Variants in STXBP5L observed in about 807,000 individuals in gnomAD.
The protein encoded by STXBP5L is syntaxin-binding protein 5-like.
Under a neutral mutation model 144.5 loss-of-function variants are expected in STXBP5L, and 65 were observed. The ratio of observed to expected loss-of-function variants is 0.45; its 90% CI spans 0.37 to 0.55. The LOEUF is 0.55. STXBP5L is among the 20% of genes least tolerant of loss of function. The probability of loss-of-function intolerance (pLI) is 0.00; values close to 1 mark genes in which losing one functional copy is unlikely to be tolerated. For synonymous variants in STXBP5L, 505 were observed against 469.6 expected (o/e 1.08, Z -0.97); for missense variants, 1,298 against 1,405.5 (o/e 0.92, Z 1.22).
chr3:121,211,996 G>C (rs962867677), intron 10 of STXBP5L, among the ~76,000 whole-genome samples: 2 of 151,888 alleles, frequency 1.3e-5, no homozygotes, highest in Non-Finnish European at 2.9e-5. Context: ...ATGTTTTTTG[G>C]CCGCATAAAT....
At chr3:121,126,642 A>C (rs533168372) in intron 7 of STXBP5L, among the ~76,000 whole-genome samples, 4 of 152,318 alleles carry the variant, frequency 2.6e-5, no homozygotes, top group Admixed American at 6.5e-5. Context: ...GATGAAATAA[A>C]ATAACTTCCT....
At chr3:121,274,604 C>T (rs2050824692) in intron 18 of STXBP5L, among the ~76,000 whole-genome samples, 1 of 152,188 alleles carries the variant, frequency 6.6e-6, no homozygotes, top group Admixed American at 6.5e-5. Context: ...GGTGCAGGTG[C>T]CCAGAGCAGC....
intron 5 of STXBP5L, among the ~76,000 whole-genome samples, chr3:121,084,642 C>T (rs924130828): frequency 1.3e-5 from 2 of 152,068 alleles, no homozygotes; most frequent in African/African-American, 4.8e-5. Context: ...TGTCTTTACT[C>T]TTATGAATAG....
At chr3:121,182,557 C>A (rs1191308) in intron 9 of STXBP5L, among the ~76,000 whole-genome samples, 74,284 of 151,912 alleles carry the variant, frequency 0.49, 18,619 homozygotes, top group East Asian at 0.73. Flanking sequence ...TAAATGCCTA[C>A]ATCAAAAAGT....
At chr3:121,188,540 A>T (rs959188426) in intron 9 of STXBP5L, among the ~76,000 whole-genome samples, 1 of 151,782 alleles carries the variant, frequency 6.6e-6, no homozygotes, top group Admixed American at 6.6e-5. Context: ...CCTGATGAAC[A>T]TCGATGTGAA....
intron 19 of STXBP5L, among the ~76,000 whole-genome samples, chr3:121,298,089 G>A (rs368795633): frequency 2.1e-4 from 32 of 151,978 alleles, no homozygotes; most frequent in Admixed American, 1.2e-3. Context: ...CATTTTACAT[G>A]CCCACCAATA....
At chr3:121,041,241 TTCTTTATGA>T (rs1292067200) in intron 3 of STXBP5L, among the ~76,000 whole-genome samples, 1 of 152,106 alleles carries the variant, frequency 6.6e-6, no homozygotes, top group Non-Finnish European at 1.5e-5. Context: ...ATCAGTCTAT[TTCTTTATGA>T]TCTCTGAGTT....
intron 19 of STXBP5L, among the ~76,000 whole-genome samples, chr3:121,317,863 T>C (rs1356282715): frequency 6.6e-6 from 1 of 152,050 alleles, no homozygotes; most frequent in African/African-American, 2.4e-5. Context: ...GTATGTAATA[T>C]ACAATACTAC....
rs537474862 is a variant in STXBP5L, at chr3:121,303,772, G to A, written c.2111-14703G>A. On this transcript the variant is annotated intron_variant, in intron 19 of 26. Coordinates refer to ENST00000471454, the MANE Select transcript of STXBP5L (RefSeq NM_001308330.2). Reference sequence around the variant, plus strand: ...AAACCATCATTCTCAGCAAACTATCGCAAGGACAAAAAACCAAACACTACA... The same window carrying A: ...AAACCATCATTCTCAGCAAACTATCACAAGGACAAAAAACCAAACACTACA... Among the ~76,000 whole-genome samples the A allele has an allele frequency of 1.5e-3, 229 of 151,920 alleles. 4 individuals are homozygous for A. The highest frequency in any genetic ancestry group is 7.5e-3 in the South Asian group (36 of 4,814).
chr3:121,052,554 G>C (rs1423032391), intron 5 of STXBP5L, among the ~76,000 whole-genome samples: 1 of 152,142 alleles, frequency 6.6e-6, no homozygotes, highest in African/African-American at 2.4e-5. Context: ...AACCCTTCAT[G>C]CTAAAAACTC....
intron 5 of STXBP5L, among the ~76,000 whole-genome samples, chr3:121,066,994 G>A (rs1295363581): frequency 6.6e-6 from 1 of 151,914 alleles, no homozygotes; most frequent in African/African-American, 2.4e-5. Flanking sequence ...AAATTTATTA[G>A]CCTTAATGGT....
At chr3:120,946,479 G>T (rs1710861578) in intron 2 of STXBP5L, among the ~76,000 whole-genome samples, 1 of 151,552 alleles carries the variant, frequency 6.6e-6, no homozygotes, top group Non-Finnish European at 1.5e-5. Context: ...CTTTGTTCAC[G>T]ATCTGGTCTA....
chr3:121,064,825 A>T (rs2041465361), intron 5 of STXBP5L, among the ~76,000 whole-genome samples: 1 of 152,152 alleles, frequency 6.6e-6, no homozygotes, highest in Non-Finnish European at 1.5e-5. Flanking sequence ...GGTTTGGGGT[A>T]TGGATCCTGT....
At chr3:121,235,846 C>CACACAT (rs2049462966) in intron 12 of STXBP5L, among the ~76,000 whole-genome samples, 1 of 134,124 alleles carries the variant, frequency 7.5e-6, no homozygotes, top group African/African-American at 2.7e-5. Flanking sequence ...CACACATACA[C>CACACAT]ACACACACAC....
intron 3 of STXBP5L, among the ~76,000 whole-genome samples, chr3:121,019,019 G>A (rs1945350768): frequency 6.6e-6 from 1 of 152,332 alleles, no homozygotes; most frequent in South Asian, 2.1e-4. Context: ...TAAACTCTGT[G>A]CTGTTGAGGG....
At chr3:121,115,667 A>G (rs958934903) in intron 6 of STXBP5L, among the ~76,000 whole-genome samples, 1 of 152,136 alleles carries the variant, frequency 6.6e-6, no homozygotes, top group Admixed American at 6.6e-5. Context: ...AATCCCTGAG[A>G]CAAGGTAATT....
chr3:121,182,157 A>G (rs1293689212), intron 9 of STXBP5L, among the ~76,000 whole-genome samples: 1 of 152,190 alleles, frequency 6.6e-6, no homozygotes, highest in Non-Finnish European at 1.5e-5. Context: ...CTTAAACTAT[A>G]TGCTAGACCA....
At chr3:121,204,279 G>A (rs2048250892) in intron 9 of STXBP5L, among the ~76,000 whole-genome samples, 2 of 152,060 alleles carry the variant, frequency 1.3e-5, no homozygotes, top group Admixed American at 6.6e-5. Context: ...CTGAGCAAAA[G>A]TTTTCTCTTT....
chr3:121,303,702 A>G (rs899567947), intron 19 of STXBP5L, among the ~76,000 whole-genome samples: 1 of 152,210 alleles, frequency 6.6e-6, no homozygotes, highest in Admixed American at 6.5e-5. Context: ...GCAGCCATAA[A>G]AATGGATGAG....
Sources: gnomAD v4.1 joint callset for allele counts (sites outside exome capture counted in the v4.1 genomes callset) on GRCh38, gnomAD v4.1.1 for gene constraint, MANE v1.5 for transcripts, NCBI Gene and HGNC (gene_info 2026-07-23, HGNC 2026-07-21) for gene names.